Variants in OSTF1 observed in about 807,000 individuals in gnomAD.
OSTF1 encodes the protein osteoclast-stimulating factor 1.
Under a neutral mutation model 37.2 loss-of-function variants are expected in OSTF1, and 27 were observed. That is an observed-to-expected ratio of 0.73 (90% confidence interval 0.54 to 1.00). The LOEUF (loss-of-function observed/expected upper bound fraction) is 1.00, where lower values mean the gene tolerates loss of function less well. OSTF1 is among the 50% of genes least tolerant of loss of function. The pLI is 0.00. For synonymous variants in OSTF1, 82 were observed against 89.2 expected, an observed-to-expected ratio of 0.92 and a Z score of 0.46; for missense variants, 232 against 253.8, an observed-to-expected ratio of 0.91 and a Z score of 0.58.
chr9:75,110,191 A>G (rs748030952), intron 1 of OSTF1, among the ~76,000 whole-genome samples: 36 of 152,154 alleles, frequency 2.4e-4, no homozygotes, highest in Non-Finnish European at 2.6e-4. Context: ...CTAATAAACC[A>G]TTAGAGTATC....
intron 7 of OSTF1, 48 bp downstream of exon 7, chr9:75,134,443 C>A: frequency 1.0e-6 from 1 of 979,410 alleles, no homozygotes; most frequent in Non-Finnish European, 1.6e-6. Flanking sequence ...TGCTTGTTGT[C>A]TTTAGTACAG....
Position 75,117,531 on chromosome 9 carries a change from A to G in OSTF1, c.62A>G (p.Tyr21Cys), listed in dbSNP as rs1213961196. ...CAAGTTAAAGTCTTCAGAGCCCTGT[A>G]TACGTTTGAACCCAGAACTGTAAGT... is the stretch of plus-strand genomic sequence containing the variant. ...PGQVKVFRAL[Y>C]TFEPRTPDEL... The change falls in exon 2 of 10, where the codon TAT (tyrosine) becomes TGT (cysteine). Residue 21 changes from tyrosine to cysteine, a missense_variant. Coordinates refer to ENST00000346234, the MANE Select transcript of OSTF1 (RefSeq NM_012383.5). The G allele has an allele frequency of 6.2e-7, 1 of 1,610,748 alleles. No individual in the cohort carries two copies. The highest frequency in any genetic ancestry group is 1.3e-5 in the African/African-American group (1 of 74,866).
chr9:75,116,490 A>T (rs1825490996), intron 1 of OSTF1, among the ~76,000 whole-genome samples: 1 of 152,154 alleles, frequency 6.6e-6, no homozygotes, highest in African/African-American at 2.4e-5. Flanking sequence ...GCAGTCTACG[A>T]AGAGAGAAAG....
At position 75,088,545 on chromosome 9, in the gene OSTF1, C is replaced by A. The variant is rs1001225881; in HGVS notation, c.-148C>A. On this transcript the variant is annotated 5_prime_UTR_variant, in exon 1 of 10. Transcript: ENST00000346234. ...CGGAGCCGCTCTGCCTGCGTCCGCT[C>A]TTCCCGCAGCCAAGGGTGGGCGCCG... is the stretch of plus-strand genomic sequence containing the variant. 3.6e-6 allele frequency: 3 copies of A among 835,892 alleles called. No homozygotes were observed. The highest frequency in any genetic ancestry group is 5.8e-6 in the Non-Finnish European group (3 of 519,612). 51.8% of individuals were successfully genotyped at this position (835,892 alleles called of 1,614,324 possible).
At chr9:75,095,897 T>C (rs1977241) in intron 1 of OSTF1, among the ~76,000 whole-genome samples, 48,384 of 135,084 alleles carry the variant, frequency 0.36, 7,923 homozygotes, top group African/African-American at 0.43. Context: ...GTGGCCCCCC[T>C]TTTTTTTTTT....
intron 3 of OSTF1, 73 bp downstream of exon 3, chr9:75,127,692 T>G: frequency 1.2e-6 from 1 of 801,882 alleles, no homozygotes; most frequent in Non-Finnish European, 2.1e-6. Flanking sequence ...GTAAGTTATT[T>G]AAATATATAT....
intron 1 of OSTF1, among the ~76,000 whole-genome samples, chr9:75,113,721 G>T (rs1825432410): frequency 6.6e-6 from 1 of 152,128 alleles, no homozygotes; most frequent in Non-Finnish European, 1.5e-5. Flanking sequence ...TGTACAACAT[G>T]ATGTTTTGAT....
intron 8 of OSTF1, among the ~76,000 whole-genome samples, chr9:75,140,100 T>TA (rs1173964513): frequency 5.9e-5 from 9 of 152,210 alleles, no homozygotes; most frequent in African/African-American, 9.6e-5. Context: ...ATTAAAGTTT[T>TA]AAAAACATGA....
At chr9:75,131,744 G>A (rs766934545) in intron 4 of OSTF1, 26 bp from the exon 5 acceptor site, 2 of 1,599,528 alleles carry the variant, frequency 1.3e-6, no homozygotes, top group Admixed American at 3.3e-5. Context: ...TCCACATTGG[G>A]TTAACACTTT....
intron 1 of OSTF1, among the ~76,000 whole-genome samples, chr9:75,108,099 C>T (rs1269600670): frequency 6.6e-6 from 1 of 151,950 alleles, no homozygotes; most frequent in African/African-American, 2.4e-5. Flanking sequence ...GTGGTGCATA[C>T]CTGTAATCCC....
chr9:75,133,201 A>C, intron 5 of OSTF1, 93 bp from the exon 6 acceptor site: 1 of 750,700 alleles, frequency 1.3e-6, no homozygotes, highest in Non-Finnish European at 2.3e-6. Context: ...TCCATTGCAA[A>C]TGGAAATTTA....
chr9:75,130,332 ATTTG>A (rs1436140849), intron 3 of OSTF1, among the ~76,000 whole-genome samples: 2 of 152,098 alleles, frequency 1.3e-5, no homozygotes, highest in Admixed American at 6.5e-5. Flanking sequence ...GTCATCTCTT[ATTTG>A]TTTGGTTGTT....
At chr9:75,111,815 T>C (rs1825393999) in intron 1 of OSTF1, among the ~76,000 whole-genome samples, 1 of 104,598 alleles carries the variant, frequency 9.6e-6, no homozygotes, top group African/African-American at 4.6e-5. Context: ...TTACTGCTTT[T>C]TTTTTTTTTT....
At chr9:75,090,108 G>C (rs1424529909) in intron 1 of OSTF1, among the ~76,000 whole-genome samples, 3 of 152,200 alleles carry the variant, frequency 2.0e-5, no homozygotes, top group Non-Finnish European at 2.9e-5. Context: ...CTAAACTCAG[G>C]TGCAAATCAG....
intron 1 of OSTF1, among the ~76,000 whole-genome samples, chr9:75,089,288 G>T (rs766907746): frequency 1.1e-4 from 17 of 150,604 alleles, no homozygotes; most frequent in Admixed American, 5.3e-4. Flanking sequence ...TCGCGCTCCT[G>T]GTGGAAAGAA....
At chr9:75,133,128 A>G (rs1825790380) in intron 5 of OSTF1, among the ~76,000 whole-genome samples, 166 bp from the exon 6 acceptor site, 1 of 152,232 alleles carries the variant, frequency 6.6e-6, no homozygotes, top group South Asian at 2.1e-4. Context: ...ATAAGCTGGA[A>G]GTCAAAATGT....
At chr9:75,095,817 A>C (rs1010592861) in intron 1 of OSTF1, among the ~76,000 whole-genome samples, 1 of 151,998 alleles carries the variant, frequency 6.6e-6, no homozygotes, top group African/African-American at 2.4e-5. Context: ...GTAGGTGTTT[A>C]GTTTAGGGCA....
chr9:75,120,645 C>G (rs1425345643), intron 2 of OSTF1, among the ~76,000 whole-genome samples: 1 of 152,188 alleles, frequency 6.6e-6, no homozygotes, highest in African/African-American at 2.4e-5. Flanking sequence ...CCTTTCCTCA[C>G]TGCCTACAGA....
At chr9:75,127,680 T>C in intron 3 of OSTF1, 61 bp downstream of exon 3, 1 of 880,404 alleles carries the variant, frequency 1.1e-6, no homozygotes, top group Non-Finnish European at 1.8e-6. Context: ...AGCTATAACA[T>C]TGTAAGTTAT....
Sources: gnomAD v4.1 joint callset for allele counts (sites outside exome capture counted in the v4.1 genomes callset) on GRCh38, gnomAD v4.1.1 for gene constraint, MANE v1.5 for transcripts, NCBI Gene and HGNC (gene_info 2026-07-23, HGNC 2026-07-21) for gene names.